The following EBF3 variants were observed in gnomAD, a reference collection of about 807,000 sequenced individuals.
EBF3 encodes the protein transcription factor COE3.
Under a neutral mutation model 77.1 loss-of-function variants are expected in EBF3, and 18 were observed. That is an observed-to-expected ratio of 0.23 (90% confidence interval 0.16 to 0.35). The LOEUF (loss-of-function observed/expected upper bound fraction) is 0.35, where lower values mean the gene tolerates loss of function less well. EBF3 is among the 10% of genes least tolerant of loss of function. EBF3 has a pLI of 1.00. For missense variants in EBF3, 558 were observed against 860.0 expected, an observed-to-expected ratio of 0.65 and a Z score of 4.39; for synonymous variants, 350 against 343.5, an observed-to-expected ratio of 1.02 and a Z score of -0.21.
intron 10 of EBF3, among the ~76,000 whole-genome samples, chr10:129,857,799 T>G (rs58708995): frequency 0.074 from 11,259 of 152,086 alleles, 1,377 homozygotes; most frequent in African/African-American, 0.25. Flanking sequence ...CATGAGCGCC[T>G]ATGAGAACCA....
chr10:129,942,347 C>T (rs914755588), intron 6 of EBF3, among the ~76,000 whole-genome samples: 1 of 152,152 alleles, frequency 6.6e-6, no homozygotes. Flanking sequence ...CAAAAATAAA[C>T]CCCCAAAATC....
At chr10:129,948,604 G>A (rs1019640473) in intron 6 of EBF3, among the ~76,000 whole-genome samples, 3 of 113,714 alleles carry the variant, frequency 2.6e-5, no homozygotes, top group Admixed American at 1.3e-4. Context: ...AAAGCAAGAC[G>A]TTAACACTGG....
intron 6 of EBF3, among the ~76,000 whole-genome samples, chr10:129,921,773 A>G (rs1328501722): frequency 6.6e-6 from 1 of 152,166 alleles, no homozygotes; most frequent in Non-Finnish European, 1.5e-5. Flanking sequence ...AAGAACTGGG[A>G]TGTGGCTGGC....
At chr10:129,906,967 G>A (rs531623227) in intron 6 of EBF3, among the ~76,000 whole-genome samples, 1 of 152,156 alleles carries the variant, frequency 6.6e-6, no homozygotes, top group African/African-American at 2.4e-5. Context: ...AGCATGGCCA[G>A]AAATGAAATG....
intron 6 of EBF3, among the ~76,000 whole-genome samples, chr10:129,945,478 C>A (rs1418555768): frequency 2.0e-5 from 3 of 152,168 alleles, no homozygotes; most frequent in African/African-American, 7.2e-5. Flanking sequence ...TCCGTACAGT[C>A]CTCCGGCCTC....
chr10:129,891,957 C>A (rs1318112913), intron 6 of EBF3, among the ~76,000 whole-genome samples: 1 of 152,264 alleles, frequency 6.6e-6, no homozygotes, highest in African/African-American at 2.4e-5. Context: ...CTAAACCCGT[C>A]CCAATCTCAA....
intron 6 of EBF3, among the ~76,000 whole-genome samples, chr10:129,890,047 A>C (rs911730438): frequency 1.4e-5 from 2 of 142,824 alleles, no homozygotes; most frequent in Admixed American, 7.7e-5. Flanking sequence ...GAGGTAGTGC[A>C]GGGCACACTC....
chr10:129,840,966 T>C lies in EBF3; in HGVS notation c.1439A>G (p.Gln480Arg). The C allele has an allele frequency of 6.2e-7, 1 of 1,612,748 alleles. No individual in the cohort carries two copies. Among genetic ancestry groups the C allele is most frequent in the Non-Finnish European group, 8.5e-7 (1 of 1,179,692 alleles). Reference protein sequence around the residue: ...RGYVPSSTPQQSNYNTVSTSM... With the variant: ...RGYVPSSTPQRSNYNTVSTSM... ...AGTGCTGACTGTGTTGTAATTGGACTGCTGGGGAGTACTGCTGGGGACGTA... is the reference window on the plus strand; with the variant it reads ...AGTGCTGACTGTGTTGTAATTGGACCGCTGGGGAGTACTGCTGGGGACGTA... Residue 480 changes from glutamine (Q) to arginine (R), a missense_variant, in exon 14 of 17, where the codon CAG becomes CGG. By Grantham distance (43) the Gln-to-Arg change is conservative. Around this residue, in one of 5 missense-constraint regions of EBF3, gnomAD observed 284 missense variants for 368.3 expected, o/e 0.77. Coordinates refer to ENST00000440978, the MANE Select transcript of EBF3 (RefSeq NM_001375380.1).
intron 16 of EBF3, among the ~76,000 whole-genome samples, chr10:129,838,849 A>G (rs1849798873): frequency 6.6e-6 from 1 of 152,230 alleles, no homozygotes. Flanking sequence ...TCACCGTTAC[A>G]ACTTTACGGT....
intron 6 of EBF3, among the ~76,000 whole-genome samples, chr10:129,949,853 C>G (rs1858523237): frequency 6.6e-6 from 1 of 152,072 alleles, no homozygotes; most frequent in Non-Finnish European, 1.5e-5. Flanking sequence ...TGGTCTTTCT[C>G]CCTTTGTAAA....
At chr10:129,959,223 C>G (rs756415305) in intron 4 of EBF3, among the ~76,000 whole-genome samples, 4 of 152,182 alleles carry the variant, frequency 2.6e-5, no homozygotes, top group Non-Finnish European at 5.9e-5. Context: ...GCCTCCTCCC[C>G]CGGGCGCCCG....
chr10:129,840,362 ATG>A lies in EBF3; in HGVS notation c.1640_1641del (p.Ser547PhefsTer46). 1 of 1,563,918 alleles carries A rather than the reference ATG, an allele frequency of 6.4e-7. No homozygotes were observed. The highest frequency in any genetic ancestry group is 8.7e-7 in the Non-Finnish European group (1 of 1,153,128). Reference sequence around the variant, plus strand: ...GCGGAGATGACATTGGCAGGTGAGAATGAGAAAATGCCGTGTGTGCTGCTACA... The same window carrying A: ...GCGGAGATGACATTGGCAGGTGAGAAAGAAAATGCCGTGTGTGCTGCTACA... ...SNCSSTHGIFSFSPANVISAV... is the reference protein window; with the variant it reads ...SNCSSTHGIFXFSPANVISAV... On this transcript the variant is annotated frameshift_variant, in exon 15 of 17. Coordinates refer to ENST00000440978, the MANE Select transcript of EBF3 (RefSeq NM_001375380.1). LOFTEE classifies it high-confidence loss of function.
chr10:129,893,993 C>CA (rs1854197930), intron 6 of EBF3, among the ~76,000 whole-genome samples: 1 of 152,206 alleles, frequency 6.6e-6, no homozygotes, highest in African/African-American at 2.4e-5. Flanking sequence ...CCCCACTCCC[C>CA]AACTCGTGTG....
At chr10:129,939,797 G>A (rs1589912820) in intron 6 of EBF3, among the ~76,000 whole-genome samples, 1 of 152,306 alleles carries the variant, frequency 6.6e-6, no homozygotes, top group East Asian at 1.9e-4. Flanking sequence ...ACCGGACTTC[G>A]TCTTAAGTTA....
At chr10:129,945,951 T>C (rs1242065100) in intron 6 of EBF3, among the ~76,000 whole-genome samples, 2 of 151,754 alleles carry the variant, frequency 1.3e-5, no homozygotes, top group African/African-American at 4.8e-5. Context: ...CGCTGACAAA[T>C]ATTTTATTCA....
At chr10:129,903,991 C>T (rs1300435084) in intron 6 of EBF3, among the ~76,000 whole-genome samples, 1 of 152,182 alleles carries the variant, frequency 6.6e-6, no homozygotes, top group Non-Finnish European at 1.5e-5. Context: ...AAGTTGCTGC[C>T]ACTCTCAGAA....
intron 6 of EBF3, among the ~76,000 whole-genome samples, chr10:129,921,366 A>C (rs976181271): frequency 6.6e-6 from 1 of 152,124 alleles, no homozygotes; most frequent in African/African-American, 2.4e-5. Flanking sequence ...TCACAACCAA[A>C]AAGGCCTCTG....
At chr10:129,891,052 G>A (rs980394403) in intron 6 of EBF3, among the ~76,000 whole-genome samples, 2 of 152,126 alleles carry the variant, frequency 1.3e-5, no homozygotes, top group African/African-American at 4.8e-5. Context: ...ATTTACTTCA[G>A]GGAAATTATG....
At chr10:129,945,088 GGAGAA>G (rs1858083370) in intron 6 of EBF3, among the ~76,000 whole-genome samples, 2 of 33,288 alleles carry the variant, frequency 6.0e-5, no homozygotes, top group Non-Finnish European at 1.2e-4. Context: ...GGGGAAGAGA[GGAGAA>G]GGGAGGGGAG....
Sources: allele counts gnomAD v4.1 joint callset (sites outside exome capture counted in the v4.1 genomes callset), GRCh38; gene constraint gnomAD v4.1.1; regional missense constraint gnomAD v4.1.1; transcripts MANE v1.5; gene names NCBI Gene and HGNC (gene_info 2026-07-23, HGNC 2026-07-21).